Variants in NCOA1 observed in about 807,000 individuals in gnomAD.
NCOA1 encodes the protein Hin-2 protein.
Under a neutral mutation model 150.9 loss-of-function variants are expected in NCOA1, and 35 were observed. The observed-to-expected ratio is 0.23, with a 90% confidence interval of 0.18 to 0.31. NCOA1 has a LOEUF of 0.31. Ranked by LOEUF, NCOA1 falls within the 10% of genes least tolerant of loss-of-function variation. The probability of loss-of-function intolerance (pLI) is 1.00; values close to 1 mark genes in which losing one functional copy is unlikely to be tolerated. For synonymous variants in NCOA1, 590 were observed against 630.0 expected (o/e 0.94, Z 0.95); for missense variants, 1,491 against 1,749.3 (o/e 0.85, Z 2.63).
intron 1 of NCOA1, among the ~76,000 whole-genome samples, chr2:24,507,616 A>G (rs1377380233): frequency 6.6e-6 from 1 of 151,348 alleles, no homozygotes; most frequent in African/African-American, 2.4e-5. Context: ...GTTTTTTATC[A>G]TCTTCATCAT....
At chr2:24,671,312 C>G (rs1323155562) in intron 6 of NCOA1, among the ~76,000 whole-genome samples, 1 of 152,020 alleles carries the variant, frequency 6.6e-6, no homozygotes. Flanking sequence ...GGATTGGTTC[C>G]ATGACCTCCC....
intron 9 of NCOA1, 54 bp from the exon 10 acceptor site, chr2:24,693,198 T>C (rs1672750023): frequency 6.6e-7 from 1 of 1,510,494 alleles, no homozygotes; most frequent in African/African-American, 1.4e-5. Context: ...GAGTGATAGA[T>C]ATAAACCATT....
At chr2:24,631,293 C>G (rs1371785976) in intron 3 of NCOA1, among the ~76,000 whole-genome samples, 1 of 152,040 alleles carries the variant, frequency 6.6e-6, no homozygotes, top group Non-Finnish European at 1.5e-5. Flanking sequence ...ACTATGAGTC[C>G]CAGAACACTG....
At chr2:24,650,387 A>G (rs1395196827) in intron 4 of NCOA1, among the ~76,000 whole-genome samples, 1 of 152,222 alleles carries the variant, frequency 6.6e-6, no homozygotes, top group East Asian at 1.9e-4. Flanking sequence ...GGGGCCAGAC[A>G]TTGGACCTAT....
In NCOA1 at chr2:24,728,495, A is replaced by G. The variant is rs1302838328; in HGVS notation, c.2886+19A>G. On this transcript the variant is annotated intron_variant, in intron 16 of 22. Coordinates refer to ENST00000348332, the MANE Select transcript of NCOA1 (RefSeq NM_003743.5). ...TGTTCAGGTATTTATTAAAGTCAAC[A>G]TTATTTAACTGATGGAGCCCTAAGA... 1 of 1,601,456 alleles carries G rather than the reference A, an allele frequency of 6.2e-7. No homozygotes were observed.
At position 24,534,113 on chromosome 2, in the gene NCOA1, A is replaced by G. The variant is rs559325510; in HGVS notation, c.-395-30182A>G. 2.8e-4 allele frequency among the ~76,000 whole-genome samples: 42 copies of G among 152,158 alleles called. 1 individual carries two copies. The highest frequency in any genetic ancestry group is 8.5e-4 in the Admixed American group (13 of 15,264). ...TGGTAGGCTATTAATTATTGCCTCA[A>G]TTTCAGAGCCTGTTATTGGTCTATT... On this transcript the variant is annotated intron_variant, in intron 1 of 22. Coordinates refer to ENST00000348332, the MANE Select transcript of NCOA1 (RefSeq NM_003743.5).
At chr2:24,585,099 C>G (rs1475862510) in intron 3 of NCOA1, among the ~76,000 whole-genome samples, 1 of 152,154 alleles carries the variant, frequency 6.6e-6, no homozygotes, top group Non-Finnish European at 1.5e-5. Context: ...TCAGCCTTTC[C>G]TCATTGTCAG....
At chr2:24,522,121 C>T (rs1019990772) in intron 1 of NCOA1, among the ~76,000 whole-genome samples, 6 of 152,188 alleles carry the variant, frequency 3.9e-5, no homozygotes, top group Non-Finnish European at 7.3e-5. Flanking sequence ...AGTAGCCTCT[C>T]ATTACATCTT....
At chr2:24,664,569 A>G (rs1415358964) in intron 5 of NCOA1, among the ~76,000 whole-genome samples, 1 of 152,000 alleles carries the variant, frequency 6.6e-6, no homozygotes, top group African/African-American at 2.4e-5. Flanking sequence ...TTAGCCAGGC[A>G]TGGTGGCGTG....
intron 1 of NCOA1, among the ~76,000 whole-genome samples, chr2:24,498,240 A>G (rs1276346490): frequency 6.6e-6 from 1 of 152,180 alleles, no homozygotes; most frequent in African/African-American, 2.4e-5. Flanking sequence ...CTAAGTAGCT[A>G]CTCAATCATT....
At chr2:24,557,217 T>C (rs1666106844) in intron 1 of NCOA1, among the ~76,000 whole-genome samples, 1 of 152,038 alleles carries the variant, frequency 6.6e-6, no homozygotes, top group African/African-American at 2.4e-5. Flanking sequence ...CTCTAGAGTT[T>C]AAAAGATATA....
intron 14 of NCOA1, among the ~76,000 whole-genome samples, chr2:24,718,736 AAAAC>A: frequency 6.6e-6 from 1 of 151,458 alleles, no homozygotes; most frequent in South Asian, 2.1e-4. Context: ...AAAAAAAAAA[AAAAC>A]AAATCAGCCG....
intron 19 of NCOA1, among the ~76,000 whole-genome samples, chr2:24,745,201 G>A (rs1175811846): frequency 5.2e-5 from 7 of 135,110 alleles, no homozygotes; most frequent in Non-Finnish European, 9.2e-5. Flanking sequence ...TCGCTCTGTC[G>A]CCCAGGCTGG....
chr2:24,606,393 T>C (rs1189520048), intron 3 of NCOA1, among the ~76,000 whole-genome samples: 5 of 152,040 alleles, frequency 3.3e-5, no homozygotes, highest in African/African-American at 9.7e-5. Context: ...CCTGCCACCA[T>C]GCCCAGCTAA....
chr2:24,673,490 T>A, intron 7 of NCOA1, 27 bp downstream of exon 7: 2 of 1,493,250 alleles, frequency 1.3e-6, no homozygotes, highest in South Asian at 1.3e-5. Context: ...ACTCAGAAAG[T>A]GATTAAAATC....
intron 1 of NCOA1, among the ~76,000 whole-genome samples, chr2:24,550,638 A>G (rs1374034415): frequency 6.6e-6 from 1 of 152,252 alleles, no homozygotes; most frequent in Non-Finnish European, 1.5e-5. Context: ...GGACACAGCC[A>G]AACCATATCA....
chr2:24,638,109 C>G (rs576841890), intron 3 of NCOA1, among the ~76,000 whole-genome samples: 115 of 151,788 alleles, frequency 7.6e-4, no homozygotes, highest in Admixed American at 1.7e-3. Flanking sequence ...TCTCTCTATC[C>G]CTATCCCTCT....
chr2:24,569,579 T>TA (rs869272385), intron 2 of NCOA1, among the ~76,000 whole-genome samples: 4 of 133,180 alleles, frequency 3.0e-5, no homozygotes, highest in African/African-American at 1.1e-4. Context: ...TTTTTTTTTT[T>TA]ACTGAATTTG....
chr2:24,727,346 T>G (rs1307806536), intron 15 of NCOA1, among the ~76,000 whole-genome samples: 2 of 152,174 alleles, frequency 1.3e-5, no homozygotes, highest in Non-Finnish European at 2.9e-5. Context: ...TTGGCCTCAG[T>G]ACAATAATTA....
Sources: allele counts gnomAD v4.1 joint callset (sites outside exome capture counted in the v4.1 genomes callset), GRCh38; gene constraint gnomAD v4.1.1; transcripts MANE v1.5; gene names NCBI Gene and HGNC (gene_info 2026-07-23, HGNC 2026-07-21).